The following PLCE1 variants were observed in gnomAD, a reference collection of about 807,000 sequenced individuals.
The protein encoded by PLCE1 is 1-phosphatidylinositol 4,5-bisphosphate phosphodiesterase epsilon-1.
In PLCE1, 119 loss-of-function variants were observed where a neutral mutation model predicts 242.8. That is an observed-to-expected ratio of 0.49 (90% CI 0.42 to 0.57). PLCE1 has a LOEUF of 0.57. Ranked by LOEUF, PLCE1 falls within the 20% of genes least tolerant of loss-of-function variation. The pLI is 0.00. For missense variants in PLCE1, 2,441 were observed against 2,788.8 expected (o/e 0.88, Z 2.81); for synonymous variants, 945 against 1,017.4 (o/e 0.93, Z 1.35).
At chr10:94,308,011 C>T (rs997014877) in intron 26 of PLCE1, among the ~76,000 whole-genome samples, 1 of 152,166 alleles carries the variant, frequency 6.6e-6, no homozygotes, top group Non-Finnish European at 1.5e-5. Flanking sequence ...AACACATGAG[C>T]ATACAGATAT....
rs2134492096 is a variant in PLCE1 at position 94,031,317 on chromosome 10, T to A, written c.271T>A (p.Trp91Arg). ...TGATGAGAACAGTAATGAAAAATGT[T>A]GGGAGAAAATCATGCCAGATTCTGC... Reference protein sequence around the residue: ...VSDENSNEKCWEKIMPDSAKN... With the variant: ...VSDENSNEKCREKIMPDSAKN... The change falls in exon 2 of 33, where the codon TGG becomes AGG. Residue 91 changes from tryptophan to arginine, a missense_variant. Physicochemically the swap from Trp to Arg is moderately radical, Grantham distance 101. Around this residue, in one of 5 missense-constraint regions of PLCE1, gnomAD observed 393 missense variants for 378.5 expected, o/e 1.04. Coordinates refer to ENST00000371380, the MANE Select transcript of PLCE1 (RefSeq NM_016341.4). The A allele has an allele frequency of 6.2e-7, 1 of 1,613,898 alleles. No individual in the cohort carries two copies. The highest frequency in any genetic ancestry group is 2.2e-5 in the East Asian group (1 of 44,860).
intron 3 of PLCE1, among the ~76,000 whole-genome samples, chr10:94,137,583 C>T (rs2046823567): frequency 1.3e-5 from 2 of 152,166 alleles, no homozygotes; most frequent in African/African-American, 4.8e-5. Context: ...TTTTCCTTCT[C>T]AAATTGTTGC....
intron 4 of PLCE1, among the ~76,000 whole-genome samples, chr10:94,199,093 T>C (rs1424273505): frequency 6.6e-6 from 1 of 152,150 alleles, no homozygotes; most frequent in African/African-American, 2.4e-5. Context: ...ACTGTATGTG[T>C]CAATAATTTG....
chr10:94,109,140 G>C (rs759860610), intron 2 of PLCE1: 2 of 152,144 alleles, frequency 1.3e-5, no homozygotes, highest in African/African-American at 2.4e-5. Context: ...AGACTTGTAG[G>C]TTTCCCTGTG....
At chr10:94,199,274 G>A (rs1016753077) in intron 4 of PLCE1, among the ~76,000 whole-genome samples, 6 of 152,182 alleles carry the variant, frequency 3.9e-5, no homozygotes, top group South Asian at 4.1e-4. Context: ...TTTACGAAGC[G>A]TTATGCGAAG....
intron 2 of PLCE1, chr10:94,094,644 C>T (rs1316284241): frequency 2.6e-5 from 4 of 152,152 alleles, no homozygotes; most frequent in Non-Finnish European, 5.9e-5. Context: ...GGGAGGAAAC[C>T]CTGGGTCAGT....
At chr10:94,130,284 C>T (rs972909137) in intron 2 of PLCE1, among the ~76,000 whole-genome samples, 2 of 152,194 alleles carry the variant, frequency 1.3e-5, no homozygotes, top group Non-Finnish European at 2.9e-5. Flanking sequence ...AGAGCAAGGG[C>T]ATAACTCCAA....
At chr10:94,218,955 A>C (rs1430663315) in intron 4 of PLCE1, among the ~76,000 whole-genome samples, 1 of 147,562 alleles carries the variant, frequency 6.8e-6, no homozygotes, top group Non-Finnish European at 1.5e-5. Context: ...TATATAATTA[A>C]ATATAATTAA....
intron 2 of PLCE1, among the ~76,000 whole-genome samples, chr10:94,054,609 C>T (rs562920141): frequency 5.9e-5 from 9 of 152,218 alleles, no homozygotes; most frequent in African/African-American, 1.4e-4. Flanking sequence ...TATAGTTGTT[C>T]GAATTAATAA....
chr10:94,157,006 T>C (rs905676666), intron 3 of PLCE1, among the ~76,000 whole-genome samples: 14 of 152,074 alleles, frequency 9.2e-5, no homozygotes, highest in African/African-American at 2.7e-4. Context: ...TTTTTGGTGT[T>C]TTTTGGGGGG....
intron 4 of PLCE1, among the ~76,000 whole-genome samples, chr10:94,211,452 T>A (rs1325309860): frequency 6.6e-6 from 1 of 152,248 alleles, no homozygotes; most frequent in Non-Finnish European, 1.5e-5. Context: ...TGATTCTCTG[T>A]TTCTTCATCT....
intron 25 of PLCE1, among the ~76,000 whole-genome samples, chr10:94,305,216 G>A (rs1246567262): frequency 1.3e-5 from 2 of 152,066 alleles, no homozygotes; most frequent in Non-Finnish European, 2.9e-5. Context: ...ATCGCTTTGC[G>A]CTCAAGAGTT....
chr10:94,235,410 A>G (rs1235021569), intron 6 of PLCE1, among the ~76,000 whole-genome samples: 1 of 152,200 alleles, frequency 6.6e-6, no homozygotes, highest in Non-Finnish European at 1.5e-5. Flanking sequence ...TTCCTAATCA[A>G]CTGTATGAAC....
intron 8 of PLCE1, among the ~76,000 whole-genome samples, chr10:94,247,114 G>GGA (rs2050712530): frequency 1.0e-5 from 1 of 100,410 alleles, no homozygotes; most frequent in African/African-American, 3.6e-5. Flanking sequence ...TCTGTCTCAG[G>GGA]AAAAAAAAAA....
intron 2 of PLCE1, among the ~76,000 whole-genome samples, chr10:94,046,640 T>C (rs74625615): frequency 0.013 from 1,993 of 152,222 alleles, 49 homozygotes; most frequent in African/African-American, 0.045. Flanking sequence ...TTCTGACCCA[T>C]TGGGTGTGGA....
At chr10:94,283,490 T>G in intron 20 of PLCE1, 1 of 345,268 alleles carries the variant, frequency 2.9e-6, no homozygotes, top group South Asian at 2.3e-5. Context: ...CAATCATCTG[T>G]ATGAAAATTG....
intron 19 of PLCE1, among the ~76,000 whole-genome samples, chr10:94,277,777 A>G (rs1053633515): frequency 3.4e-4 from 52 of 152,326 alleles, no homozygotes; most frequent in African/African-American, 1.0e-3. Flanking sequence ...GAGAAGAGAA[A>G]GACAGGGGAA....
At chr10:94,032,848 A>G (rs1218204485) in intron 2 of PLCE1, among the ~76,000 whole-genome samples, 2 of 152,106 alleles carry the variant, frequency 1.3e-5, no homozygotes, top group Non-Finnish European at 2.9e-5. Context: ...GTGCTTCTTT[A>G]TTAATACATT....
chr10:94,077,453 T>G (rs188391839), intron 2 of PLCE1, among the ~76,000 whole-genome samples: 2 of 152,304 alleles, frequency 1.3e-5, no homozygotes, highest in Admixed American at 1.3e-4. Context: ...CCTATGTTAA[T>G]GTTTTCCTAC....
Sources: gnomAD v4.1 joint callset for allele counts (sites outside exome capture counted in the v4.1 genomes callset) on GRCh38, gnomAD v4.1.1 for gene constraint, gnomAD v4.1.1 regional missense constraint, MANE v1.5 for transcripts, NCBI Gene and HGNC (gene_info 2026-07-23, HGNC 2026-07-21) for gene names.